ZNF804B: variants seen among roughly 807,000 people sequenced by gnomAD.
The protein encoded by ZNF804B is zinc finger 804B.
Under a neutral mutation model 101.4 loss-of-function variants are expected in ZNF804B, and 80 were observed. That is an observed-to-expected ratio of 0.79 (90% confidence interval 0.66 to 0.95). The LOEUF (loss-of-function observed/expected upper bound fraction) is 0.95. Ranked by LOEUF, ZNF804B falls within the 40% of genes least tolerant of loss-of-function variation. The pLI is 0.00. For synonymous variants in ZNF804B, 622 were observed against 558.8 expected (o/e 1.11, Z -1.59); for missense variants, 1,673 against 1,561.9 (o/e 1.07, Z -1.20).
intron 1 of ZNF804B, among the ~76,000 whole-genome samples, chr7:88,839,085 A>G (rs1428533303): frequency 6.6e-6 from 1 of 152,028 alleles, no homozygotes; most frequent in African/African-American, 2.4e-5. Flanking sequence ...TTAGCTTTAT[A>G]AAAATAGTTG....
chr7:88,962,748 T>TATA (rs1793406562), intron 1 of ZNF804B, among the ~76,000 whole-genome samples: 2 of 126,412 alleles, frequency 1.6e-5, no homozygotes, highest in South Asian at 5.0e-4. Flanking sequence ...TATATATATA[T>TATA]GAATACGTAT....
At chr7:89,007,556 T>A (rs56207142) in intron 1 of ZNF804B, among the ~76,000 whole-genome samples, 89,509 of 111,682 alleles carry the variant, frequency 0.8, 36,480 homozygotes, top group African/African-American at 0.91. Flanking sequence ...TAATATATAT[T>A]TATCTATTAT....
intron 1 of ZNF804B, among the ~76,000 whole-genome samples, chr7:89,022,180 A>G (rs946904042): frequency 1.3e-5 from 2 of 152,254 alleles, no homozygotes; most frequent in African/African-American, 4.8e-5. Context: ...GGAGCACCAC[A>G]GGGACCTCTC....
intron 1 of ZNF804B, among the ~76,000 whole-genome samples, chr7:89,034,438 C>G (rs1430329011): frequency 6.6e-6 from 1 of 151,440 alleles, no homozygotes; most frequent in Non-Finnish European, 1.5e-5. Flanking sequence ...GTGTGATGTT[C>G]CCCTCCCTCT....
chr7:89,296,413 G>C (rs10233498), intron 2 of ZNF804B, among the ~76,000 whole-genome samples: 35,228 of 151,710 alleles, frequency 0.23, 4,418 homozygotes, highest in Admixed American at 0.28. Flanking sequence ...TAGGATATAT[G>C]ATGGATATCC....
At chr7:88,996,941 A>G (rs1472717469) in intron 1 of ZNF804B, among the ~76,000 whole-genome samples, 1 of 152,042 alleles carries the variant, frequency 6.6e-6, no homozygotes, top group East Asian at 1.9e-4. Flanking sequence ...CAACAGATGG[A>G]CACGGTAAAA....
intron 1 of ZNF804B, among the ~76,000 whole-genome samples, chr7:89,060,320 C>T (rs1789360217): frequency 6.6e-6 from 1 of 152,076 alleles, no homozygotes. Flanking sequence ...GTATTCCTTA[C>T]AACATAATGG....
At chr7:89,153,332 G>A (rs868120564) in intron 1 of ZNF804B, among the ~76,000 whole-genome samples, 4 of 151,362 alleles carry the variant, frequency 2.6e-5, no homozygotes, top group African/African-American at 4.8e-5. Flanking sequence ...AGATCTTCCC[G>A]TCTCCCTGCT....
intron 1 of ZNF804B, among the ~76,000 whole-genome samples, chr7:89,058,601 G>T (rs1365488570): frequency 6.6e-6 from 1 of 152,084 alleles, no homozygotes; most frequent in Admixed American, 6.6e-5. Flanking sequence ...GGAATGGGGG[G>T]TCTGGTAGTA....
intron 3 of ZNF804B, among the ~76,000 whole-genome samples, chr7:89,333,011 T>C (rs922566192): frequency 1.3e-5 from 2 of 151,914 alleles, no homozygotes; most frequent in African/African-American, 4.8e-5. Context: ...TTAATGTGAA[T>C]GCACTGATTG....
At position 88,794,995 on chromosome 7, in the gene ZNF804B, A is replaced by G; in HGVS notation, c.108+34911A>G. 3 of 1,455,576 alleles carry G rather than the reference A, an allele frequency of 2.1e-6. No individual in the cohort carries two copies. In the South Asian group the frequency reaches 4.4e-5, roughly 21 times the overall value. The allele number at this position is 1,455,576 out of a possible 1,614,324, so 90.2% of individuals were successfully genotyped here. On this transcript the variant is annotated intron_variant, in intron 1 of 3. Transcript: ENST00000333190. ...ATTCCAGCTTTTAGCTTATCATAATATTTATGCTGCCAGGGTACCTCTTTA... is the reference window on the plus strand; with the variant it reads ...ATTCCAGCTTTTAGCTTATCATAATGTTTATGCTGCCAGGGTACCTCTTTA...
At chr7:89,287,555 G>T (rs937545998) in intron 2 of ZNF804B, among the ~76,000 whole-genome samples, 11 of 152,132 alleles carry the variant, frequency 7.2e-5, no homozygotes, top group Admixed American at 7.2e-4. Flanking sequence ...ATGGTTAACG[G>T]ATAAACTATT....
chr7:88,876,465 A>ATTT (rs1791940270), intron 1 of ZNF804B, among the ~76,000 whole-genome samples: 1 of 152,164 alleles, frequency 6.6e-6, no homozygotes, highest in Non-Finnish European at 1.5e-5. Flanking sequence ...TTTATTTACA[A>ATTT]TTATCCCTTT....
In ZNF804B at chr7:88,760,074, C is replaced by T. The variant is rs1789869719; in HGVS notation, c.98C>T (p.Ser33Phe). 4 of 1,613,878 alleles carry T rather than the reference C, an allele frequency of 2.5e-6. No homozygotes were observed. The highest frequency in any genetic ancestry group is 3.4e-6 in the Non-Finnish European group (4 of 1,179,852). ...VFRGPLCKNG[S>F]PSPDFAEKKS... is the part of the protein sequence containing the mutation. ...AGGGGACCCCTGTGCAAGAACGGATCTCCCTCTCCGGTAATGTGCGCGCGC... is the reference window on the plus strand; with the variant it reads ...AGGGGACCCCTGTGCAAGAACGGATTTCCCTCTCCGGTAATGTGCGCGCGC... The change falls in exon 1 of 4, where the codon TCT becomes TTT. Residue 33 changes from serine (S) to phenylalanine (F), a missense_variant. Coordinates refer to ENST00000333190, the MANE Select transcript of ZNF804B (RefSeq NM_181646.5).
intron 2 of ZNF804B, among the ~76,000 whole-genome samples, chr7:89,249,170 A>G (rs988974196): frequency 6.6e-6 from 1 of 152,198 alleles, no homozygotes; most frequent in Admixed American, 6.5e-5. Flanking sequence ...AGACCTATGG[A>G]AAGATGTAGA....
chr7:89,087,055 T>G (rs1446156145), intron 1 of ZNF804B, among the ~76,000 whole-genome samples: 1 of 62,270 alleles, frequency 1.6e-5, no homozygotes, highest in Non-Finnish European at 3.4e-5. Context: ...TTTTTTAAAT[T>G]CAAAAAAAAA....
intron 1 of ZNF804B, among the ~76,000 whole-genome samples, chr7:89,014,573 C>T (rs1347141285): frequency 1.3e-5 from 2 of 152,158 alleles, no homozygotes; most frequent in Non-Finnish European, 2.9e-5. Context: ...GCCTTGGCCT[C>T]CCAAAGTGCT....
At chr7:89,201,302 AT>A (rs1178527683) in intron 1 of ZNF804B, among the ~76,000 whole-genome samples, 1 of 152,036 alleles carries the variant, frequency 6.6e-6, no homozygotes, top group African/African-American at 2.4e-5. Context: ...TTATAGCATA[AT>A]GGACAGAAGC....
intron 1 of ZNF804B, among the ~76,000 whole-genome samples, chr7:88,800,171 A>T (rs1790556334): frequency 1.3e-5 from 2 of 152,044 alleles, no homozygotes; most frequent in Admixed American, 6.6e-5. Context: ...AGCACATATA[A>T]TAAGCTATTG....
Sources: allele counts gnomAD v4.1 joint callset (sites outside exome capture counted in the v4.1 genomes callset), GRCh38; gene constraint gnomAD v4.1.1; transcripts MANE v1.5; gene names NCBI Gene and HGNC (gene_info 2026-07-23, HGNC 2026-07-21).